FGF12: variants seen among roughly 807,000 people sequenced by gnomAD.
The protein encoded by FGF12 is fibroblast growth factor 12B.
Under a neutral mutation model 23.6 loss-of-function variants are expected in FGF12, and 14 were observed. The ratio of observed to expected loss-of-function variants is 0.59; its 90% CI spans 0.39 to 0.93. FGF12 has a LOEUF of 0.93. Ranked by LOEUF, FGF12 falls within the 40% of genes least tolerant of loss-of-function variation. The pLI, the probability that FGF12 is intolerant of heterozygous loss-of-function variation, is 0.00. For synonymous variants in FGF12, 62 were observed against 77.3 expected (o/e 0.80, Z 1.04); for missense variants, 175 against 217.8 (o/e 0.80, Z 1.24).
chr3:192,438,549 T>C (rs1158067013), intron 2 of FGF12, among the ~76,000 whole-genome samples: 1 of 152,212 alleles, frequency 6.6e-6, no homozygotes, highest in African/African-American at 2.4e-5. Flanking sequence ...TATTTCCTGG[T>C]GCCAGTGCAG....
chr3:192,456,159 G>A lies in FGF12; in HGVS notation c.14-95621C>T, dbSNP rs73068381. 6.3e-3 allele frequency among the ~76,000 whole-genome samples: 965 copies of A among 152,268 alleles called. 5 individuals are homozygous for A. The highest frequency in any genetic ancestry group is 0.02 in the Middle Eastern group (6 of 294). On this transcript the variant is annotated intron_variant, in intron 2 of 5. Transcript: ENST00000445105. ...TGTCTATTACATTTTCACAATTTAT[G>A]AAGAATACAAGAGAAAATATTTGAA...
chr3:192,368,629 A>T (rs564743569), intron 2 of FGF12, among the ~76,000 whole-genome samples: 1 of 152,330 alleles, frequency 6.6e-6, no homozygotes, highest in South Asian at 2.1e-4. Context: ...AAGAGTCCAC[A>T]AACTATAGCC....
chr3:192,197,908 T>C (rs1717156110), intron 4 of FGF12, among the ~76,000 whole-genome samples: 1 of 136,644 alleles, frequency 7.3e-6, no homozygotes, highest in Admixed American at 8.2e-5. Context: ...ATCATGCCAT[T>C]GCACTCCAGC....
At chr3:192,686,889 T>C (rs1264046124) in intron 2 of FGF12, among the ~76,000 whole-genome samples, 2 of 128,280 alleles carry the variant, frequency 1.6e-5, no homozygotes, top group Non-Finnish European at 3.1e-5. Flanking sequence ...AGTGCAGTGG[T>C]GCCATCTCGG....
At chr3:192,516,534 T>G (rs1272079323) in intron 2 of FGF12, 1 of 152,222 alleles carries the variant, frequency 6.6e-6, no homozygotes, top group African/African-American at 2.4e-5. Flanking sequence ...ATGTTTGAAG[T>G]TGCCTGGAAG....
At chr3:192,241,775 C>T (rs1719629865) in intron 4 of FGF12, among the ~76,000 whole-genome samples, 4 of 152,084 alleles carry the variant, frequency 2.6e-5, no homozygotes, top group African/African-American at 7.2e-5. Context: ...TGCTGTGTCC[C>T]GAGCACCTGG....
intron 4 of FGF12, among the ~76,000 whole-genome samples, chr3:192,232,335 A>C (rs957793652): frequency 6.6e-6 from 1 of 152,154 alleles, no homozygotes; most frequent in Non-Finnish European, 1.5e-5. Context: ...CCACGTCATA[A>C]ATGCTTAATT....
In FGF12 at chr3:192,561,634, T is replaced by G. The variant is rs968848438; in HGVS notation, c.13+165547A>C. On this transcript the variant is annotated intron_variant, in intron 2 of 5. Transcript: ENST00000445105. ...GCCTCGGCCTCCCAAAGTGCTGGGA[T>G]TACAGGCGTGAGCCACCGTGCCTGG... Among the ~76,000 whole-genome samples the G allele has an allele frequency of 2.6e-4, 39 of 152,328 alleles. 1 individual carries two copies. Among genetic ancestry groups the G allele is most frequent in the Middle Eastern group, 3.4e-3 (1 of 294 alleles).
chr3:192,357,011 C>T (rs1461479391), intron 3 of FGF12, among the ~76,000 whole-genome samples: 2 of 152,056 alleles, frequency 1.3e-5, no homozygotes, highest in Non-Finnish European at 2.9e-5. Flanking sequence ...AAACTGGTAA[C>T]ATTTTAATAA....
In FGF12 at chr3:192,141,276, C is replaced by T. The variant is rs1713370152; in HGVS notation, c.*2733G>A. ...GAAAAACAAAGTACTTAAACTCAAC[C>T]ATATTTTTGGATGAAGTTGGATATT... On this transcript the variant is annotated 3_prime_UTR_variant, in exon 6 of 6. Coordinates refer to ENST00000445105, the MANE Select transcript of FGF12 (RefSeq NM_004113.6). The T allele has an allele frequency of 6.6e-6, 1 of 151,312 alleles. No individual in the cohort carries two copies. The highest frequency in any genetic ancestry group is 2.4e-5 in the African/African-American group (1 of 41,226). 9.4% of individuals were successfully genotyped at this position (151,312 alleles called of 1,614,324 possible).
rs368796380 is a variant in FGF12, at chr3:192,250,484, A to G, written c.229-79828T>C. ...AAAAATTATGCCACAATACAAGCAT[A>G]AGTGTTTTTGATAAATATTCAAATA... On this transcript the variant is annotated intron_variant, in intron 4 of 5. Coordinates refer to ENST00000445105, the MANE Select transcript of FGF12 (RefSeq NM_004113.6). 2.6e-4 allele frequency among the ~76,000 whole-genome samples: 40 copies of G among 152,242 alleles called. No individual in the cohort carries two copies. In the East Asian group the frequency reaches 6.2e-3, roughly 23 times the overall value.
intron 2 of FGF12, among the ~76,000 whole-genome samples, chr3:192,624,109 C>T (rs1209643752): frequency 6.6e-6 from 1 of 151,532 alleles, no homozygotes; most frequent in Non-Finnish European, 1.5e-5. Flanking sequence ...TTGGTAATAG[C>T]AAAAATTAGT....
chr3:192,287,539 A>G (rs990733296), intron 4 of FGF12, among the ~76,000 whole-genome samples: 1 of 152,068 alleles, frequency 6.6e-6, no homozygotes, highest in Admixed American at 6.6e-5. Context: ...AAGCTAGCAC[A>G]GATGAGAAGA....
chr3:192,206,277 A>G (rs756805018), intron 4 of FGF12, among the ~76,000 whole-genome samples: 15 of 152,106 alleles, frequency 9.9e-5, no homozygotes, highest in Admixed American at 3.3e-4. Context: ...CTTTCACTCT[A>G]CCCAACAAAG....
intron 2 of FGF12, among the ~76,000 whole-genome samples, chr3:192,427,891 G>A (rs188017181): frequency 3.7e-4 from 57 of 152,282 alleles, no homozygotes; most frequent in Middle Eastern, 3.4e-3. Context: ...CATGCCTGCT[G>A]GCATCTGAAA....
intron 4 of FGF12, among the ~76,000 whole-genome samples, chr3:192,262,166 G>A (rs756084451): frequency 9.2e-5 from 14 of 152,234 alleles, no homozygotes; most frequent in East Asian, 1.9e-4. Flanking sequence ...TGCTGACTCC[G>A]TACACATAAA....
intron 2 of FGF12, among the ~76,000 whole-genome samples, chr3:192,512,850 ATATATATAT>A (rs1724527756): frequency 1.6e-5 from 2 of 128,804 alleles, no homozygotes; most frequent in South Asian, 2.4e-4. Flanking sequence ...ATATATATAT[ATATATATAT>A]AACAGGCTAT....
At chr3:192,220,035 T>C (rs1392123648) in intron 4 of FGF12, among the ~76,000 whole-genome samples, 1 of 152,170 alleles carries the variant, frequency 6.6e-6, no homozygotes, top group Non-Finnish European at 1.5e-5. Context: ...CATTTTTTTT[T>C]CCTTATAGTC....
chr3:192,549,032 T>G (rs1372159372), intron 2 of FGF12, among the ~76,000 whole-genome samples: 3 of 152,168 alleles, frequency 2.0e-5, no homozygotes, highest in African/African-American at 7.2e-5. Flanking sequence ...TTAATAGGCA[T>G]TAAAGTGGAT....
Sources: allele counts gnomAD v4.1 joint callset (sites outside exome capture counted in the v4.1 genomes callset), GRCh38; gene constraint gnomAD v4.1.1; transcripts MANE v1.5; gene names NCBI Gene and HGNC (gene_info 2026-07-23, HGNC 2026-07-21).